FBXO15: variants seen among roughly 807,000 people sequenced by gnomAD.
The protein encoded by FBXO15 is F-box protein 15.
A neutral mutation model predicts 49.5 loss-of-function variants in FBXO15; 30 were observed. The observed-to-expected ratio is 0.61, with a 90% CI of 0.45 to 0.82. The LOEUF is 0.82. Among genes scored for constraint, FBXO15 ranks in the 40% least tolerant of loss-of-function variants. The pLI is 0.00. For missense variants in FBXO15, 591 were observed against 631.5 expected (o/e 0.94, Z 0.69); for synonymous variants, 250 against 232.7 (o/e 1.07, Z -0.68).
At chr18:74,132,473 A>G (rs1003535377) in intron 3 of FBXO15, among the ~76,000 whole-genome samples, 1 of 152,246 alleles carries the variant, frequency 6.6e-6, no homozygotes, top group Admixed American at 6.5e-5. Context: ...ACATGCAGTG[A>G]GTAACCATAA....
At chr18:74,140,114 G>C in intron 2 of FBXO15, 88 bp downstream of exon 2, 3 of 1,095,326 alleles carry the variant, frequency 2.7e-6, no homozygotes, top group Admixed American at 2.7e-5. Context: ...GCTCAAAATA[G>C]CAACTTGGTA....
chr18:74,101,320 C>T (rs1221970233), intron 8 of FBXO15, among the ~76,000 whole-genome samples: 1 of 152,086 alleles, frequency 6.6e-6, no homozygotes, highest in African/African-American at 2.4e-5. Flanking sequence ...ATGATCATCT[C>T]AGTAGATGCT....
chr18:74,147,536 C>CGGAA (rs2145243801), intron 1 of FBXO15, 134 bp downstream of exon 1: 1 of 1,285,456 alleles, frequency 7.8e-7, no homozygotes, highest in Non-Finnish European at 9.8e-7. Context: ...GTCGTTCTTC[C>CGGAA]ATACCCTTCT....
Position 74,081,961 on chromosome 18 carries a change from G to T in FBXO15, c.1229C>A (p.Ser410Ter), listed in dbSNP as rs529627235. The T allele has an allele frequency of 3.7e-6, 6 of 1,612,766 alleles. No individual in the cohort carries two copies. The highest frequency in any genetic ancestry group is 5.1e-6 in the Non-Finnish European group (6 of 1,179,336). Residue 410 changes from serine to a stop codon, truncating the protein, a stop_gained, in exon 9 of 10, where the codon TCG becomes TAG. Transcript: ENST00000419743. LOFTEE classifies it low-confidence loss of function (END_TRUNC). ...GCCATCAAAAATATCAGTTTTCCACGAGAGGCCAACTTTTCCAATAAGAGG... is the reference window on the plus strand; with the variant it reads ...GCCATCAAAAATATCAGTTTTCCACTAGAGGCCAACTTTTCCAATAAGAGG... ...HLPLIGKVGL[S>*]WKTDIFDGCI... is the part of the protein sequence containing the mutation.
At chr18:74,138,887 C>CT (rs1448905152) in intron 2 of FBXO15, among the ~76,000 whole-genome samples, 1 of 152,178 alleles carries the variant, frequency 6.6e-6, no homozygotes, top group Non-Finnish European at 1.5e-5. Context: ...ATATCTCCCA[C>CT]TTGCCTGTGT....
chr18:74,109,958 C>T (rs1913937231), intron 8 of FBXO15, among the ~76,000 whole-genome samples: 1 of 151,218 alleles, frequency 6.6e-6, no homozygotes, highest in Admixed American at 6.6e-5. Context: ...TGCACCTGTA[C>T]CCTAGAACTT....
At chr18:74,086,741 T>C (rs1464140507) in intron 8 of FBXO15, among the ~76,000 whole-genome samples, 1 of 152,202 alleles carries the variant, frequency 6.6e-6, no homozygotes, top group Non-Finnish European at 1.5e-5. Context: ...GGTATTTTAA[T>C]AGAAACTATA....
At chr18:74,100,131 A>G (rs1913446758) in intron 8 of FBXO15, 1 of 152,218 alleles carries the variant, frequency 6.6e-6, no homozygotes, top group East Asian at 1.9e-4. Context: ...TCATCAGTGC[A>G]TGGAACTTTC....
chr18:74,130,735 G>A lies in FBXO15; in HGVS notation c.333-77C>T, dbSNP rs1001558947. The A allele has an allele frequency of 3.5e-6, 5 of 1,431,740 alleles. No individual in the cohort carries two copies. The African/African-American group carries it at 4.3e-5, about 12-fold the overall frequency. 88.7% of individuals were successfully genotyped at this position (1,431,740 alleles called of 1,614,324 possible). On this transcript the variant is annotated intron_variant, in intron 3 of 9. Transcript: ENST00000419743. The stretch of plus-strand genomic sequence containing the variant: ...AGTCATAATATATCAAATTAGAGAT[G>A]CATATTTTCAAATAATCCAATTCCA...
intron 8 of FBXO15, among the ~76,000 whole-genome samples, chr18:74,093,786 T>A (rs1461622995): frequency 6.6e-6 from 1 of 152,216 alleles, no homozygotes; most frequent in Non-Finnish European, 1.5e-5. Flanking sequence ...TTAATGTTGA[T>A]ATTTTGACCT....
intron 5 of FBXO15, among the ~76,000 whole-genome samples, chr18:74,128,017 C>T (rs1019936071): frequency 6.6e-6 from 1 of 152,096 alleles, no homozygotes; most frequent in African/African-American, 2.4e-5. Context: ...AGCCTAATTA[C>T]TACATTAGAA....
In FBXO15 at chr18:74,126,052, T is replaced by C. The variant is rs765121550; in HGVS notation, c.835A>G (p.Ile279Val). 5 of 1,613,978 alleles carry C rather than the reference T, an allele frequency of 3.1e-6. No homozygotes were observed. The highest frequency in any genetic ancestry group is 1.7e-5 in the Admixed American group (1 of 60,008). Residue 279 changes from isoleucine to valine, a missense_variant, in exon 6 of 10, where the codon ATA becomes GTA. Ile to Val is a conservative substitution (Grantham distance 29, BLOSUM62 3). Coordinates refer to ENST00000419743, the MANE Select transcript of FBXO15 (RefSeq NM_001142958.2). Reference protein sequence around the residue: ...IAKYNLSHLTISTMIGCDRLI... With the variant: ...IAKYNLSHLTVSTMIGCDRLI... ...CTGTCACAGCCAATCATGGTAGATATGGTCAAATGACTCAGATTGTACTTT... is the reference window on the plus strand; with the variant it reads ...CTGTCACAGCCAATCATGGTAGATACGGTCAAATGACTCAGATTGTACTTT...
chr18:74,126,081 A>G lies in FBXO15; in HGVS notation c.806T>C (p.Ile269Thr). 1 of 1,613,934 alleles carries G rather than the reference A, an allele frequency of 6.2e-7. No homozygotes were observed. Among genetic ancestry groups the G allele is most frequent in the Non-Finnish European group, 8.5e-7 (1 of 1,179,866 alleles). ...CAAATGACTCAGATTGTACTTTGCA[A>G]TTAAAGAATGCCATCGGAGTCTTTG... is the stretch of plus-strand genomic sequence containing the variant. ...TKHRLRWHSL[I>T]AKYNLSHLTI... The change falls in exon 6 of 10, where the codon ATT becomes ACT. Residue 269 changes from isoleucine to threonine, a missense_variant. Transcript: ENST00000419743.
chr18:74,140,333 T>C (rs1166564140), intron 1 of FBXO15, 21 bp from the exon 2 acceptor site: 3 of 1,541,648 alleles, frequency 1.9e-6, no homozygotes, highest in Non-Finnish European at 2.6e-6. Context: ...ATGTGGGAAA[T>C]TCAAATTATG....
Position 74,125,961 on chromosome 18 carries a change from G to T in FBXO15, c.912+14C>A. Reference sequence around the variant, plus strand: ...GGGGAAATGACACAGTACATACAGGGACTCAAGTCTTACCTTCCACACTCC... The same window carrying T: ...GGGGAAATGACACAGTACATACAGGTACTCAAGTCTTACCTTCCACACTCC... On this transcript the variant is annotated intron_variant, in intron 6 of 9. Transcript: ENST00000419743. 2 of 1,613,634 alleles carry T rather than the reference G, an allele frequency of 1.2e-6. No homozygotes were observed. The highest frequency in any genetic ancestry group is 1.1e-5 in the South Asian group (1 of 91,034).
intron 8 of FBXO15, among the ~76,000 whole-genome samples, chr18:74,088,295 G>A (rs1912838392): frequency 6.6e-6 from 1 of 152,100 alleles, no homozygotes; most frequent in African/African-American, 2.4e-5. Context: ...GTTCAGAATG[G>A]TATTTATTAG....
intron 1 of FBXO15, among the ~76,000 whole-genome samples, chr18:74,145,207 T>C (rs1979328803): frequency 6.6e-6 from 1 of 152,260 alleles, no homozygotes; most frequent in African/African-American, 2.4e-5. Flanking sequence ...TACTTCTTAA[T>C]CATATACTCT....
In FBXO15 at chr18:74,135,903, G is replaced by A. The variant is rs903081799; in HGVS notation, c.228-37C>T. ...GAAAAAGAAAAAAAAAATCACCAGA[G>A]TGGACCAGGGCTTAATCTGCAGATT... is the stretch of plus-strand genomic sequence containing the variant. On this transcript the variant is annotated intron_variant, in intron 2 of 9. Transcript: ENST00000419743. 12 of 1,533,640 alleles carry A rather than the reference G, an allele frequency of 7.8e-6. No homozygotes were observed. The African/African-American group carries it at 1.7e-4, about 21-fold the overall frequency.
At chr18:74,130,797 C>T (rs1423303490) in intron 3 of FBXO15, 139 bp from the exon 4 acceptor site, 2 of 931,368 alleles carry the variant, frequency 2.1e-6, no homozygotes, top group East Asian at 2.7e-5. Context: ...GTTGAACGTT[C>T]ATCTGTTAAA....
Sources: allele counts gnomAD v4.1 joint callset (sites outside exome capture counted in the v4.1 genomes callset), GRCh38; gene constraint gnomAD v4.1.1; transcripts MANE v1.5; gene names NCBI Gene and HGNC (gene_info 2026-07-23, HGNC 2026-07-21).